Variants in LSM6 observed in about 807,000 individuals in gnomAD.
LSM6 encodes U6 snRNA-associated Sm-like protein LSm6.
In LSM6, 2 loss-of-function variants were observed where a neutral mutation model predicts 13.5. That is an observed-to-expected ratio of 0.15 (90% CI 0.06 to 0.47). The LOEUF is 0.47. LSM6 is among the 20% of genes least tolerant of loss of function. The pLI, the probability that LSM6 is intolerant of heterozygous loss-of-function variation, is 0.97. For synonymous variants in LSM6, 43 were observed against 34.9 expected, an observed-to-expected ratio of 1.23 and a Z score of -0.82; for missense variants, 58 against 96.4, an observed-to-expected ratio of 0.60 and a Z score of 1.67.
intron 1 of LSM6, among the ~76,000 whole-genome samples, chr4:146,180,196 T>C (rs1730202546): frequency 6.6e-6 from 1 of 152,248 alleles, no homozygotes; most frequent in Non-Finnish European, 1.5e-5. Context: ...TGCCCTTTTG[T>C]GCATAATTCT....
At chr4:146,189,524 T>C in intron 3 of LSM6, 98 bp from the exon 4 acceptor site, 1 of 711,834 alleles carries the variant, frequency 1.4e-6, no homozygotes, top group Non-Finnish European at 2.5e-6. Flanking sequence ...AAATGTCAGA[T>C]GTATCAGACC....
rs1344649003 is a variant in LSM6 at position 146,189,841 on chromosome 4, A to G, written c.*185A>G. The stretch of plus-strand genomic sequence containing the variant: ...ATTGTGAAATGTTCTTTCACTTGTA[A>G]GTTTCAGTCATTTTCTTTTACCTCG... On this transcript the variant is annotated 3_prime_UTR_variant, in exon 4 of 4. Coordinates refer to ENST00000296581, the MANE Select transcript of LSM6 (RefSeq NM_007080.3). 7.6e-6 allele frequency: 4 copies of G among 527,120 alleles called. No individual in the cohort carries two copies. Among genetic ancestry groups the G allele is most frequent in the Non-Finnish European group, 1.3e-5 (4 of 298,842 alleles). The allele number at this position is 527,120 out of a possible 1,614,324, so 32.7% of individuals were successfully genotyped here.
chr4:146,184,132 A>G (rs1005623547), intron 2 of LSM6, among the ~76,000 whole-genome samples: 4 of 147,794 alleles, frequency 2.7e-5, no homozygotes, highest in African/African-American at 7.3e-5. Flanking sequence ...AAACCAGCAC[A>G]CTGCGTGAAG....
At chr4:146,183,714 G>A (rs570032209) in intron 2 of LSM6, 21 of 151,388 alleles carry the variant, frequency 1.4e-4, no homozygotes, top group African/African-American at 4.8e-4. Flanking sequence ...CACAGACTGG[G>A]TCATTTTTAT....
intron 1 of LSM6, chr4:146,180,835 T>A (rs139196259): frequency 4.6e-5 from 7 of 152,324 alleles, no homozygotes; most frequent in African/African-American, 1.7e-4. Flanking sequence ...TAATATTCTC[T>A]CTAGATGTGT....
chr4:146,176,335 A>C (rs925384829), intron 1 of LSM6: 1 of 152,244 alleles, frequency 6.6e-6, no homozygotes, highest in Non-Finnish European at 1.5e-5. Context: ...TGTCTTACCA[A>C]GTTGTCAGGT....
intron 2 of LSM6, among the ~76,000 whole-genome samples, chr4:146,186,100 A>G (rs1266896783): frequency 1.3e-5 from 2 of 152,146 alleles, no homozygotes; most frequent in African/African-American, 4.8e-5. Context: ...TGTGCCTCAG[A>G]TTTTTCTTGC....
chr4:146,178,715 A>G (rs182894076), intron 1 of LSM6, among the ~76,000 whole-genome samples: 8 of 152,330 alleles, frequency 5.3e-5, no homozygotes, highest in African/African-American at 1.9e-4. Flanking sequence ...ATTTCTTTGC[A>G]TCTGTCCATT....
At chr4:146,184,266 C>G (rs912933796) in intron 2 of LSM6, among the ~76,000 whole-genome samples, 1 of 152,146 alleles carries the variant, frequency 6.6e-6, no homozygotes. Context: ...GGAGGGGACA[C>G]ATTCAAACCA....
intron 3 of LSM6, among the ~76,000 whole-genome samples, chr4:146,188,784 G>A (rs545474685): frequency 6.6e-6 from 1 of 151,928 alleles, no homozygotes; most frequent in South Asian, 2.1e-4. Context: ...ACTTTTAACG[G>A]GAACTCAGAA....
intron 1 of LSM6, among the ~76,000 whole-genome samples, chr4:146,181,856 A>G (rs1018644355): frequency 2.0e-5 from 3 of 152,306 alleles, no homozygotes; most frequent in South Asian, 2.1e-4. Context: ...AAAGAGAGCT[A>G]TTTTATAAGA....
At chr4:146,185,836 A>T (rs1730337687) in intron 2 of LSM6, among the ~76,000 whole-genome samples, 1 of 151,680 alleles carries the variant, frequency 6.6e-6, no homozygotes, top group Non-Finnish European at 1.5e-5. Context: ...TCCCAAGTTC[A>T]GACGATTCTC....
intron 1 of LSM6, among the ~76,000 whole-genome samples, chr4:146,177,027 G>GGT (rs35898655): frequency 0.011 from 1,723 of 150,398 alleles, 22 homozygotes; most frequent in African/African-American, 0.031. Flanking sequence ...TTGTGTTTGT[G>GGT]GTGTGTGTGT....
chr4:146,178,609 G>A (rs1182674783), intron 1 of LSM6, among the ~76,000 whole-genome samples: 1 of 152,118 alleles, frequency 6.6e-6, no homozygotes, highest in Non-Finnish European at 1.5e-5. Flanking sequence ...CTGTAAATAC[G>A]CCAGGAGTAG....
In LSM6 at chr4:146,190,889, A is replaced by T. The variant is rs1184906790; in HGVS notation, c.*1233A>T. On this transcript the variant is annotated 3_prime_UTR_variant, in exon 4 of 4. Coordinates refer to ENST00000296581, the MANE Select transcript of LSM6 (RefSeq NM_007080.3). ...GTGATTCGAAACAACTGCTTGGTTGAAGGATGGGGGGCAGGATCGAGAAGG... is the reference window on the plus strand; with the variant it reads ...GTGATTCGAAACAACTGCTTGGTTGTAGGATGGGGGGCAGGATCGAGAAGG... The T allele has an allele frequency of 1.3e-5, 2 of 152,142 alleles. No homozygotes were observed. Among genetic ancestry groups the T allele is most frequent in the African/African-American group, 4.8e-5 (2 of 41,412 alleles). The allele number at this position is 152,142 out of a possible 1,614,324, so 9.4% of individuals were successfully genotyped here. A position where few individuals can be genotyped will look rare whatever the true frequency, so the allele number is the denominator to read the frequency against.
chr4:146,186,997 T>G (rs1390570079), intron 2 of LSM6, among the ~76,000 whole-genome samples: 2 of 152,230 alleles, frequency 1.3e-5, no homozygotes, highest in East Asian at 3.8e-4. Flanking sequence ...TTTTGAATGC[T>G]TTAAAAGTTT....
intron 1 of LSM6, chr4:146,176,557 T>C (rs6821054): frequency 1.3e-5 from 2 of 152,170 alleles, no homozygotes; most frequent in African/African-American, 4.8e-5. Context: ...CACTGAACCC[T>C]TTCACCTACG....
At chr4:146,177,027 G>GGTGTGT (rs35898655) in intron 1 of LSM6, among the ~76,000 whole-genome samples, 10 of 150,312 alleles carry the variant, frequency 6.7e-5, no homozygotes, top group South Asian at 2.1e-4. Flanking sequence ...TTGTGTTTGT[G>GGTGTGT]GTGTGTGTGT....
rs17021186 is a variant in LSM6 at position 146,177,572 on chromosome 4, G to C, written c.-11+1761G>C. 4.5e-3 allele frequency among the ~76,000 whole-genome samples: 682 copies of C among 151,972 alleles called. 1 individual carries two copies. Among genetic ancestry groups the C allele is most frequent in the African/African-American group, 0.015 (638 of 41,438 alleles). On this transcript the variant is annotated intron_variant, in intron 1 of 3. Transcript: ENST00000296581. ...AATGTAGCTTTTGGTTATCATTTGC[G>C]GTACCTTGGAGATTTCTTTAAAACT...
Sources: allele counts gnomAD v4.1 joint callset (sites outside exome capture counted in the v4.1 genomes callset), GRCh38; gene constraint gnomAD v4.1.1; transcripts MANE v1.5; gene names NCBI Gene and HGNC (gene_info 2026-07-23, HGNC 2026-07-21).